The following RP1L1 variants were observed in gnomAD, a reference collection of about 807,000 sequenced individuals.
RP1L1 encodes the protein RP1 like 1.
A neutral mutation model predicts 15.7 loss-of-function variants in RP1L1; 27 were observed. The ratio of observed to expected loss-of-function variants is 1.72; its 90% confidence interval spans 1.27 to 2.38. RP1L1 has a LOEUF of 2.38. RP1L1 is among the 30% of genes most tolerant of loss of function. The probability of loss-of-function intolerance (pLI) is 0.00; values close to 1 mark genes in which losing one functional copy is unlikely to be tolerated. For missense variants in RP1L1, 4,798 were observed against 3,075.9 expected, an observed-to-expected ratio of 1.56 and a Z score of -13.24; for synonymous variants, 1,813 against 1,276.7, an observed-to-expected ratio of 1.42 and a Z score of -8.96.
intron 1 of RP1L1, among the ~76,000 whole-genome samples, chr8:10,652,287 C>T (rs563457907): frequency 3.9e-5 from 6 of 152,250 alleles, no homozygotes; most frequent in Admixed American, 6.5e-5. Flanking sequence ...ATATGATACA[C>T]GTCACAGAGT....
intron 2 of RP1L1, among the ~76,000 whole-genome samples, 197 bp from the exon 3 acceptor site, chr8:10,616,784 A>G (rs922460545): frequency 2.0e-5 from 3 of 152,078 alleles, no homozygotes; most frequent in African/African-American, 7.2e-5. Flanking sequence ...AGGTCCCACC[A>G]CCACGATCTC....
chr8:10,608,874 C>T lies in RP1L1; in HGVS notation c.5224G>A (p.Glu1742Lys), dbSNP rs558895396. The change falls in exon 4 of 4, where the codon GAG (glutamate) becomes AAG (lysine). Residue 1742 changes from glutamate (E) to lysine (K), a missense_variant. Coordinates refer to ENST00000382483, the MANE Select transcript of RP1L1 (RefSeq NM_178857.6). ...TGGCTCCCCTCGCCATCCTCACCCTCGTCCACTCCAGGCCCCTGGCTCAGC... is the reference window on the plus strand; with the variant it reads ...TGGCTCCCCTCGCCATCCTCACCCTTGTCCACTCCAGGCCCCTGGCTCAGC... ...PGLSQGPGVDEGEDGEGSQRL... is the reference protein window; with the variant it reads ...PGLSQGPGVDKGEDGEGSQRL... The T allele has an allele frequency of 1.2e-4, 188 of 1,614,034 alleles. 2 individuals are homozygous for T. In the Middle Eastern group the frequency reaches 4.8e-3, roughly 41 times the overall value.
chr8:10,609,120 C>T lies in RP1L1; in HGVS notation c.4978G>A (p.Glu1660Lys), dbSNP rs369627530. The T allele has an allele frequency of 3.1e-5, 50 of 1,613,590 alleles. 1 individual carries two copies. The highest frequency in any genetic ancestry group is 1.6e-4 in the Middle Eastern group (1 of 6,084). ...EAEGEEFCPC[E>K]ACVRKKVSPM... is the part of the protein sequence containing the mutation. ...CTCACTTTCTTCCTCACGCAGGCCT[C>T]GCAGGGACAGAACTCCTCCCCCTCC... The change falls in exon 4 of 4, where the codon GAG becomes AAG. Residue 1660 changes from glutamate (E) to lysine (K), a missense_variant. By Grantham distance (56) the Glu-to-Lys change is moderately conservative. Transcript: ENST00000382483.
chr8:10,646,786 C>A (rs146214153), intron 1 of RP1L1, among the ~76,000 whole-genome samples: 34 of 152,334 alleles, frequency 2.2e-4, no homozygotes, highest in African/African-American at 7.5e-4. Flanking sequence ...TCCACGCCCT[C>A]CTTACAAAAC....
chr8:10,630,296 G>A (rs993622937), intron 1 of RP1L1, among the ~76,000 whole-genome samples: 1 of 152,236 alleles, frequency 6.6e-6, no homozygotes, highest in African/African-American at 2.4e-5. Flanking sequence ...CAAAGGCACA[G>A]ACTGAGTTGG....
intron 1 of RP1L1, among the ~76,000 whole-genome samples, chr8:10,626,554 G>A (rs1308460352): frequency 1.3e-5 from 2 of 152,206 alleles, no homozygotes; most frequent in Non-Finnish European, 2.9e-5. Context: ...GCCGTTTTCA[G>A]CACCACCTTC....
intron 1 of RP1L1, among the ~76,000 whole-genome samples, chr8:10,631,305 G>GCGCACACAAACACGCATT (rs1798241157): frequency 1.1e-5 from 1 of 90,232 alleles, no homozygotes; most frequent in African/African-American, 3.4e-5. Flanking sequence ...AAACACGCAT[G>GCGCACACAAACACGCATT]CACACACACG....
chr8:10,645,095 G>A (rs1277093596), intron 1 of RP1L1, among the ~76,000 whole-genome samples: 1 of 152,190 alleles, frequency 6.6e-6, no homozygotes, highest in African/African-American at 2.4e-5. Flanking sequence ...GGGGGGCTAA[G>A]GCAGGAGGGT....
At chr8:10,631,426 TGC>T (rs1257044847) in intron 1 of RP1L1, among the ~76,000 whole-genome samples, 63 of 135,968 alleles carry the variant, frequency 4.6e-4, no homozygotes, top group African/African-American at 1.7e-3. Flanking sequence ...CACACACACA[TGC>T]GCGCACACAC....
chr8:10,645,120 A>G (rs1798457708), intron 1 of RP1L1, among the ~76,000 whole-genome samples: 1 of 152,300 alleles, frequency 6.6e-6, no homozygotes, highest in South Asian at 2.1e-4. Context: ...TAAGGCCAGG[A>G]GTTCGAGACA....
Position 10,622,697 on chromosome 8 carries a change from C to T in RP1L1, c.505G>A (p.Val169Ile). 2 of 1,614,174 alleles carry T rather than the reference C, an allele frequency of 1.2e-6. No homozygotes were observed. Among genetic ancestry groups the T allele is most frequent in the Non-Finnish European group, 1.7e-6 (2 of 1,180,040 alleles). ...NMDPRLQQTV[V>I]LSHRNTRNLA... ...TTCCTAGTATTCCTGTGACTGAGAA[C>T]CACTGTCTGCTGGAGGCGAGGGTCC... Residue 169 changes from valine (V) to isoleucine (I), a missense_variant, in exon 2 of 4, where the codon GTT becomes ATT. By Grantham distance (29) the Val-to-Ile change is conservative. Coordinates refer to ENST00000382483, the MANE Select transcript of RP1L1 (RefSeq NM_178857.6).
chr8:10,608,904 G>T lies in RP1L1; in HGVS notation c.5194C>A (p.Pro1732Thr). The T allele has an allele frequency of 6.2e-7, 1 of 1,613,954 alleles. No homozygotes were observed. The highest frequency in any genetic ancestry group is 8.5e-7 in the Non-Finnish European group (1 of 1,180,016). Residue 1732 changes from proline to threonine, a missense_variant, in exon 4 of 4, where the codon CCG becomes ACG. Pro to Thr is a conservative substitution (Grantham distance 38). Transcript: ENST00000382483. ...TVQGAEGGLG[P>T]GLSQGPGVDE... ...ACTCCAGGCCCCTGGCTCAGCCCCG[G>T]CCCCAGCCCTCCCTCAGCTCCCTGG...
chr8:10,616,300 G>C, intron 3 of RP1L1, 146 bp downstream of exon 3: 1 of 1,013,248 alleles, frequency 9.9e-7, no homozygotes, highest in Non-Finnish European at 1.5e-6. Context: ...AGGAGGAAGA[G>C]GCAAGAGAGA....
chr8:10,625,411 C>T (rs1798140651), intron 1 of RP1L1, among the ~76,000 whole-genome samples: 1 of 151,342 alleles, frequency 6.6e-6, no homozygotes, highest in Non-Finnish European at 1.5e-5. Flanking sequence ...GGAGGAAAGA[C>T]ACAGGGAAGA....
intron 3 of RP1L1, among the ~76,000 whole-genome samples, chr8:10,615,240 A>G (rs1182523680): frequency 6.6e-6 from 1 of 152,220 alleles, no homozygotes; most frequent in Non-Finnish European, 1.5e-5. Context: ...TGAGCTTTTC[A>G]CAAAGGATAG....
chr8:10,619,152 G>A (rs750876034), intron 2 of RP1L1, among the ~76,000 whole-genome samples: 1 of 152,286 alleles, frequency 6.6e-6, no homozygotes, highest in African/African-American at 2.4e-5. Flanking sequence ...TTACAGGTGT[G>A]AGCCACCATG....
intron 2 of RP1L1, 83 bp downstream of exon 2, chr8:10,622,510 A>G: frequency 6.3e-7 from 1 of 1,584,992 alleles, no homozygotes; most frequent in Non-Finnish European, 8.7e-7. Flanking sequence ...CTTTTTAAGG[A>G]ATAATCTCTC....
intron 1 of RP1L1, among the ~76,000 whole-genome samples, chr8:10,646,004 C>T (rs143936605): frequency 2.0e-4 from 31 of 152,332 alleles, no homozygotes; most frequent in African/African-American, 6.3e-4. Context: ...TCCCTCAGGA[C>T]GGGCAGACTG....
intron 1 of RP1L1, among the ~76,000 whole-genome samples, chr8:10,637,652 C>G (rs73201177): frequency 0.11 from 16,174 of 152,168 alleles, 949 homozygotes; most frequent in Non-Finnish European, 0.13. Context: ...TTGATATATG[C>G]TGGACACTCT....
Sources: allele counts gnomAD v4.1 joint callset (sites outside exome capture counted in the v4.1 genomes callset), GRCh38; gene constraint gnomAD v4.1.1; transcripts MANE v1.5; gene names NCBI Gene and HGNC (gene_info 2026-07-23, HGNC 2026-07-21).